Variants in SUPT20H observed in about 807,000 individuals in gnomAD.
SUPT20H encodes the protein SPT20 homolog, SAGA complex component.
In SUPT20H, 82 loss-of-function variants were observed where a neutral mutation model predicts 122.8. The ratio of observed to expected loss-of-function variants is 0.67; its 90% CI spans 0.56 to 0.80. SUPT20H has a LOEUF of 0.80. SUPT20H is among the 30% of genes least tolerant of loss of function. SUPT20H has a pLI of 0.00. For synonymous variants in SUPT20H, 291 were observed against 313.0 expected (o/e 0.93, Z 0.74); for missense variants, 831 against 921.6 (o/e 0.90, Z 1.27).
At chr13:37,048,678 G>A in intron 2 of SUPT20H, 79 bp from the exon 3 acceptor site, 1 of 1,303,902 alleles carries the variant, frequency 7.7e-7, no homozygotes. Flanking sequence ...CATTTCTAAT[G>A]TTTTCTAAAA....
At position 37,054,568 on chromosome 13, in the gene SUPT20H, G is replaced by C. The variant is rs9603134; in HGVS notation, c.-93-2985C>G. Among the ~76,000 whole-genome samples, 824 of 152,136 alleles carry C rather than the reference G, an allele frequency of 5.4e-3. 7 individuals carry two copies. The highest frequency in any genetic ancestry group is 0.018 in the African/African-American group (767 of 41,502). ...AAGGCCTTTGACGAAATTCAACAAC[G>C]CTTCATGCTAAAAACTCTCAATAAA... On this transcript the variant is annotated intron_variant, in intron 1 of 25. Coordinates refer to ENST00000350612, the MANE Select transcript of SUPT20H (RefSeq NM_001014286.3).
chr13:37,041,883 G>C (rs2065533964), intron 7 of SUPT20H, among the ~76,000 whole-genome samples: 1 of 152,212 alleles, frequency 6.6e-6, no homozygotes, highest in Non-Finnish European at 1.5e-5. Flanking sequence ...ATCAAATAGG[G>C]AAGGGCTAAT....
chr13:37,054,701 T>A (rs1469497753), intron 1 of SUPT20H, among the ~76,000 whole-genome samples: 2 of 152,148 alleles, frequency 1.3e-5, no homozygotes, highest in African/African-American at 2.4e-5. Flanking sequence ...CTTTGAAAAC[T>A]GGCACAAGAC....
intron 1 of SUPT20H, among the ~76,000 whole-genome samples, chr13:37,058,408 T>C (rs922422470): frequency 1.3e-5 from 2 of 152,190 alleles, no homozygotes; most frequent in African/African-American, 2.4e-5. Context: ...TGAATTTAGG[T>C]GAACGTGAAA....
chr13:37,032,599 T>A (rs527874727), intron 10 of SUPT20H, among the ~76,000 whole-genome samples: 1 of 152,144 alleles, frequency 6.6e-6, no homozygotes, highest in African/African-American at 2.4e-5. Flanking sequence ...ACTGATGAAT[T>A]GCTGGAGGCC....
At chr13:37,018,926 G>C (rs920983617) in intron 22 of SUPT20H, among the ~76,000 whole-genome samples, 5 of 152,154 alleles carry the variant, frequency 3.3e-5, no homozygotes. Flanking sequence ...TGGGATTCTA[G>C]GTGTGAGCAA....
chr13:37,032,249 GAA>G (rs554779588), intron 10 of SUPT20H, among the ~76,000 whole-genome samples: 4 of 151,916 alleles, frequency 2.6e-5, no homozygotes, highest in Non-Finnish European at 5.9e-5. Context: ...GGGAGGGGAG[GAA>G]AAGAGTCTGA....
intron 19 of SUPT20H, 113 bp downstream of exon 19, chr13:37,023,921 TG>T: frequency 9.7e-7 from 1 of 1,026,116 alleles, no homozygotes; most frequent in Admixed American, 3.0e-5. Flanking sequence ...TTATACATTT[TG>T]GGTACACAGT....
At chr13:37,010,793 C>T (rs1168830705) in intron 24 of SUPT20H, 138 bp from the exon 25 acceptor site, 1 of 602,776 alleles carries the variant, frequency 1.7e-6, no homozygotes, top group Admixed American at 2.9e-5. Context: ...ATAGACATTT[C>T]AGAATAAATT....
At chr13:37,016,968 A>G (rs1260928041) in intron 23 of SUPT20H, among the ~76,000 whole-genome samples, 1 of 152,220 alleles carries the variant, frequency 6.6e-6, no homozygotes, top group Non-Finnish European at 1.5e-5. Flanking sequence ...ACAAAGACCT[A>G]GGTTTGAATC....
chr13:37,052,454 G>A (rs1210587172), intron 1 of SUPT20H, among the ~76,000 whole-genome samples: 6 of 152,130 alleles, frequency 3.9e-5, no homozygotes. Flanking sequence ...ATGGCCCTGG[G>A]AAGACTGGCT....
chr13:37,026,380 T>G lies in SUPT20H; in HGVS notation c.1179-144A>C, dbSNP rs969247290. 7.9e-6 allele frequency: 4 copies of G among 508,570 alleles called. No individual in the cohort carries two copies. The African/African-American group carries it at 8.0e-5, about 10-fold the overall frequency. 31.5% of individuals were successfully genotyped at this position (508,570 alleles called of 1,614,324 possible). Reference sequence around the variant, plus strand: ...AATCTACCAAGATATGAAAAAAATTTTTTTAATGCATTTAAACATATGAAA... The same window carrying G: ...AATCTACCAAGATATGAAAAAAATTGTTTTAATGCATTTAAACATATGAAA... On this transcript the variant is annotated intron_variant, in intron 15 of 25. Coordinates refer to ENST00000350612, the MANE Select transcript of SUPT20H (RefSeq NM_001014286.3).
At position 37,051,516 on chromosome 13, in the gene SUPT20H, G is replaced by A. The variant is rs1223436785; in HGVS notation, c.-26C>T. On this transcript the variant is annotated 5_prime_UTR_variant, in exon 2 of 26. Transcript: ENST00000350612. The stretch of plus-strand genomic sequence containing the variant: ...TATGGCATAAAATAAGGGTCCAAAA[G>A]AAGAGATAACTTATGTACGCTGATG... The A allele has an allele frequency of 6.2e-7, 1 of 1,611,204 alleles. No individual in the cohort carries two copies. The highest frequency in any genetic ancestry group is 1.3e-5 in the African/African-American group (1 of 74,800).
rs1366002145 is a variant in SUPT20H, at chr13:37,048,418, T to A, written c.39+146A>T. On this transcript the variant is annotated intron_variant, in intron 3 of 25. Transcript: ENST00000350612. The stretch of plus-strand genomic sequence containing the variant: ...GTGATCCAAATATCACCTGGTATTT[T>A]TATATATTTACAGCAAAATGATATG... The A allele has an allele frequency of 5.6e-6, 3 of 532,286 alleles. No homozygotes were observed. In the African/African-American group the frequency reaches 5.9e-5, roughly 11 times the overall value. The allele number at this position is 532,286 out of a possible 1,614,324, so 33.0% of individuals were successfully genotyped here.
intron 9 of SUPT20H, among the ~76,000 whole-genome samples, chr13:37,036,780 T>C (rs1395609085): frequency 6.6e-6 from 1 of 152,192 alleles, no homozygotes; most frequent in African/African-American, 2.4e-5. Flanking sequence ...TGAAGACCTT[T>C]AATATGATAT....
chr13:37,021,861 C>T, intron 20 of SUPT20H, 150 bp downstream of exon 20: 1 of 950,144 alleles, frequency 1.1e-6, no homozygotes, highest in Non-Finnish European at 1.5e-6. Flanking sequence ...TTAAAACATA[C>T]ATGGTCAGGC....
intron 17 of SUPT20H, chr13:37,024,901 A>G (rs1023192018): frequency 5.8e-6 from 1 of 172,048 alleles, no homozygotes; most frequent in African/African-American, 2.4e-5. Context: ...AAAAGGTAAA[A>G]GTAGAAACAA....
intron 25 of SUPT20H, 74 bp from the exon 26 acceptor site, chr13:37,009,883 C>T (rs537787501): frequency 2.0e-5 from 31 of 1,530,286 alleles, no homozygotes; most frequent in Non-Finnish European, 2.4e-5. Context: ...TCCTGAGTGA[C>T]GAAACAACAC....
At chr13:37,047,222 G>A (rs1052102608) in intron 5 of SUPT20H, 3 of 171,036 alleles carry the variant, frequency 1.8e-5, no homozygotes, top group Non-Finnish European at 3.7e-5. Context: ...AGGAGGAAGT[G>A]CTATAAACTC....
Sources: allele counts gnomAD v4.1 joint callset (sites outside exome capture counted in the v4.1 genomes callset), GRCh38; gene constraint gnomAD v4.1.1; transcripts MANE v1.5; gene names NCBI Gene and HGNC (gene_info 2026-07-23, HGNC 2026-07-21).